The following TRAIP variants were observed in gnomAD, a reference collection of about 807,000 sequenced individuals.
TRAIP encodes E3 ubiquitin-protein ligase TRAIP.
In TRAIP, 37 loss-of-function variants were observed where a neutral mutation model predicts 65.0. That is an observed-to-expected ratio of 0.57 (90% CI 0.44 to 0.75). TRAIP has a LOEUF of 0.75. Among genes scored for constraint, TRAIP ranks in the 30% least tolerant of loss-of-function variants. TRAIP has a pLI of 0.00. For missense variants in TRAIP, 481 were observed against 579.4 expected (o/e 0.83, Z 1.74); for synonymous variants, 187 against 219.1 (o/e 0.85, Z 1.29).
chr3:49,834,207 G>A (rs894935862), intron 10 of TRAIP, among the ~76,000 whole-genome samples: 2 of 152,174 alleles, frequency 1.3e-5, no homozygotes, highest in African/African-American at 4.8e-5. Context: ...GGCCCTTGGG[G>A]CCCATGAGAG....
rs748874948 is a variant in TRAIP, at chr3:49,829,107, G to C, written c.1406C>G (p.Ser469Trp). 8 of 1,614,036 alleles carry C rather than the reference G, an allele frequency of 5.0e-6. No homozygotes were observed. In the South Asian group the frequency reaches 8.8e-5, roughly 18 times the overall value. ...CATTGGTCAGACTCACTGTTCTCAC[G>C]ACCACAGGAAGGTGTCCAGCTTGGC... ...FQAKLDTFLWS is the reference protein window; with the variant it reads ...FQAKLDTFLWW Residue 469 changes from serine (S) to tryptophan (W), a missense_variant, in exon 15 of 15, where the codon TCG (serine) becomes TGG (tryptophan). Ser to Trp is a radical substitution (Grantham distance 177, BLOSUM62 -3). Coordinates refer to ENST00000331456, the MANE Select transcript of TRAIP (RefSeq NM_005879.3).
At chr3:49,833,038 C>T (rs938024759) in intron 10 of TRAIP, among the ~76,000 whole-genome samples, 12 of 152,120 alleles carry the variant, frequency 7.9e-5, no homozygotes, top group Admixed American at 1.3e-4. Flanking sequence ...CCTCTGTCCC[C>T]GCCTGCAAGT....
chr3:49,840,360 T>C lies in TRAIP; in HGVS notation c.719A>G (p.Tyr240Cys), dbSNP rs1158041707. ...FSSRSKLQTV[Y>C]SELDQAKLEL... ...TAACTTGGCCTGATCCAATTCAGAG[T>C]AGACTGTCTGCAACTATAAGAAAGT... is the stretch of plus-strand genomic sequence containing the variant. Residue 240 changes from tyrosine to cysteine, a missense_variant, in exon 9 of 15, where the codon TAC becomes TGC. Transcript: ENST00000331456. 6.2e-7 allele frequency: 1 copy of C among 1,613,950 alleles called. No individual in the cohort carries two copies. Among genetic ancestry groups the C allele is most frequent in the Non-Finnish European group, 8.5e-7 (1 of 1,179,942 alleles).
At chr3:49,834,568 TA>T (rs2081764308) in intron 10 of TRAIP, among the ~76,000 whole-genome samples, 1 of 152,218 alleles carries the variant, frequency 6.6e-6, no homozygotes, top group African/African-American at 2.4e-5. Flanking sequence ...CCTGGGCCAA[TA>T]AATAGAAGAG....
intron 1 of TRAIP, among the ~76,000 whole-genome samples, chr3:49,851,384 C>T (rs2081929441): frequency 6.6e-6 from 1 of 152,008 alleles, no homozygotes; most frequent in Non-Finnish European, 1.5e-5. Flanking sequence ...TATTATACTT[C>T]AATTTTAAAA....
At chr3:49,854,545 T>C (rs2081956331) in intron 1 of TRAIP, among the ~76,000 whole-genome samples, 1 of 152,082 alleles carries the variant, frequency 6.6e-6, no homozygotes, top group Non-Finnish European at 1.5e-5. Flanking sequence ...ACGACCCAAC[T>C]AACTGAGGGA....
At chr3:49,831,167 G>A (rs1325290040) in intron 11 of TRAIP, among the ~76,000 whole-genome samples, 2 of 152,224 alleles carry the variant, frequency 1.3e-5, no homozygotes, top group Non-Finnish European at 2.9e-5. Context: ...GGTTTGGGAG[G>A]TAGGACAGCC....
chr3:49,850,649 C>CCTT (rs1186308267), intron 1 of TRAIP, among the ~76,000 whole-genome samples: 1 of 103,726 alleles, frequency 9.6e-6, no homozygotes, highest in African/African-American at 4.2e-5. Flanking sequence ...TAATAGTCTG[C>CCTT]ATTTTTTTTT....
intron 4 of TRAIP, 144 bp downstream of exon 4, chr3:49,844,397 C>T: frequency 1.1e-6 from 1 of 894,370 alleles, no homozygotes; most frequent in Non-Finnish European, 1.7e-6. Context: ...CTGCCCACCA[C>T]AACAGCTAGC....
At chr3:49,834,738 C>T (rs2081765881) in intron 10 of TRAIP, among the ~76,000 whole-genome samples, 1 of 152,172 alleles carries the variant, frequency 6.6e-6, no homozygotes, top group Non-Finnish European at 1.5e-5. Flanking sequence ...CATAGGTTGG[C>T]CTCCAAAGTA....
intron 1 of TRAIP, among the ~76,000 whole-genome samples, chr3:49,851,887 C>T (rs567012544): frequency 3.3e-5 from 5 of 150,086 alleles, no homozygotes; most frequent in East Asian, 4.0e-4. Flanking sequence ...TTAGTAAAGA[C>T]GGGGTTTCAC....
chr3:49,840,160 A>G, intron 9 of TRAIP, 124 bp downstream of exon 9: 3 of 892,544 alleles, frequency 3.4e-6, no homozygotes, highest in Admixed American at 4.4e-5. Context: ...CTGACCCAGG[A>G]GGATGCAGGG....
chr3:49,852,358 C>T (rs2081939964), intron 1 of TRAIP, among the ~76,000 whole-genome samples: 1 of 151,298 alleles, frequency 6.6e-6, no homozygotes, highest in Admixed American at 6.6e-5. Context: ...CAGAGCGAGA[C>T]TCTACCTCAA....
chr3:49,835,651 A>C (rs1333470563), intron 10 of TRAIP, among the ~76,000 whole-genome samples: 1 of 152,248 alleles, frequency 6.6e-6, no homozygotes, highest in East Asian at 1.9e-4. Context: ...AACTTAAGAA[A>C]CTTCTTGGCC....
At chr3:49,842,413 G>T (rs1367581873) in intron 6 of TRAIP, 40 bp downstream of exon 6, 1 of 1,592,124 alleles carries the variant, frequency 6.3e-7, no homozygotes, top group Admixed American at 1.7e-5. Flanking sequence ...TGCAGGCCCT[G>T]GGGGCAAAGG....
intron 1 of TRAIP, among the ~76,000 whole-genome samples, chr3:49,851,960 G>A (rs1028546270): frequency 6.6e-6 from 1 of 150,966 alleles, no homozygotes; most frequent in Admixed American, 6.6e-5. Context: ...GCCTCCCAAA[G>A]TGCTGGGATT....
intron 11 of TRAIP, among the ~76,000 whole-genome samples, 178 bp downstream of exon 11, chr3:49,831,738 T>C (rs1405614735): frequency 6.6e-6 from 1 of 152,204 alleles, no homozygotes; most frequent in Non-Finnish European, 1.5e-5. Flanking sequence ...GAGAAGGGGT[T>C]TGCACAGATT....
chr3:49,830,152 A>C, intron 11 of TRAIP, 84 bp from the exon 12 acceptor site: 1 of 1,468,574 alleles, frequency 6.8e-7, no homozygotes, highest in Non-Finnish European at 9.5e-7. Flanking sequence ...CCCCTTGGGG[A>C]GTTACCATGT....
At chr3:49,853,087 G>A (rs370638735) in intron 1 of TRAIP, among the ~76,000 whole-genome samples, 19 of 149,262 alleles carry the variant, frequency 1.3e-4, no homozygotes, top group African/African-American at 4.2e-4. Context: ...GTCCCACTGT[G>A]CTCCAGCCTG....
Sources: allele counts gnomAD v4.1 joint callset (sites outside exome capture counted in the v4.1 genomes callset), GRCh38; gene constraint gnomAD v4.1.1; transcripts MANE v1.5; gene names NCBI Gene and HGNC (gene_info 2026-07-23, HGNC 2026-07-21).